Variants in CGNL1 observed in about 807,000 individuals in gnomAD.
The protein encoded by CGNL1 is cingulin-like protein 1.
A neutral mutation model predicts 141.2 loss-of-function variants in CGNL1; 132 were observed. That is an observed-to-expected ratio of 0.93 (90% CI 0.81 to 1.08). The LOEUF is 1.08. CGNL1 is among the 50% of genes least tolerant of loss of function. The pLI is 0.00. For missense variants in CGNL1, 1,870 were observed against 1,588.6 expected (o/e 1.18, Z -3.01); for synonymous variants, 690 against 622.1 (o/e 1.11, Z -1.63).
chr15:57,531,895 T>C (rs1461632375), intron 14 of CGNL1, 116 bp downstream of exon 14: 3 of 667,702 alleles, frequency 4.5e-6, no homozygotes, highest in Non-Finnish European at 8.1e-6. Flanking sequence ...CATCTAGAAA[T>C]TGATGGAAGA....
At chr15:57,435,960 A>G (rs2063100729) in intron 1 of CGNL1, among the ~76,000 whole-genome samples, 1 of 152,188 alleles carries the variant, frequency 6.6e-6, no homozygotes, top group Admixed American at 6.5e-5. Context: ...TTTTCTGACC[A>G]CAATACAGGT....
chr15:57,473,202 GA>G (rs1335057908), intron 8 of CGNL1, among the ~76,000 whole-genome samples: 1 of 152,000 alleles, frequency 6.6e-6, no homozygotes, highest in Non-Finnish European at 1.5e-5. Context: ...ACATCTAAAG[GA>G]AAAAAGCTTT....
intron 1 of CGNL1, among the ~76,000 whole-genome samples, chr15:57,385,332 A>G (rs574655090): frequency 1.8e-4 from 28 of 152,294 alleles, no homozygotes; most frequent in African/African-American, 6.7e-4. Context: ...TCAGGAGTTC[A>G]AGACCAGCCT....
At chr15:57,467,793 G>GCC in intron 8 of CGNL1, among the ~76,000 whole-genome samples, 1 of 144,808 alleles carries the variant, frequency 6.9e-6, no homozygotes, top group Admixed American at 7.2e-5. Context: ...GGGTTCAAAT[G>GCC]ATTCTTGTGC....
At chr15:57,383,918 C>G (rs1466994675) in intron 1 of CGNL1, among the ~76,000 whole-genome samples, 1 of 152,100 alleles carries the variant, frequency 6.6e-6, no homozygotes. Context: ...AGATTACAGG[C>G]GTGAGCCACC....
intron 8 of CGNL1, among the ~76,000 whole-genome samples, chr15:57,464,720 C>T: frequency 7.8e-6 from 1 of 128,224 alleles, no homozygotes. Context: ...CTTTCCTTTC[C>T]TTTCCTTTCC....
At chr15:57,425,960 G>A (rs1263000407) in intron 1 of CGNL1, among the ~76,000 whole-genome samples, 1 of 151,946 alleles carries the variant, frequency 6.6e-6, no homozygotes, top group African/African-American at 2.4e-5. Flanking sequence ...AAATAATGGA[G>A]TAATGGAGTA....
At chr15:57,498,245 GT>G (rs56793548) in intron 8 of CGNL1, among the ~76,000 whole-genome samples, 19 of 101,080 alleles carry the variant, frequency 1.9e-4, no homozygotes, top group Middle Eastern at 8.2e-3. Context: ...TGGGGAAACA[GT>G]TTTTTTTTTT....
intron 10 of CGNL1, among the ~76,000 whole-genome samples, chr15:57,521,594 A>G (rs2031257952): frequency 6.6e-6 from 1 of 152,208 alleles, no homozygotes; most frequent in African/African-American, 2.4e-5. Context: ...TAATTTAAAA[A>G]TAATGTAGCA....
chr15:57,417,244 T>C (rs1567103931), intron 1 of CGNL1, among the ~76,000 whole-genome samples: 1 of 152,156 alleles, frequency 6.6e-6, no homozygotes, highest in Admixed American at 6.5e-5. Flanking sequence ...CTTTCCTTTC[T>C]TTTCTTTCTT....
intron 3 of CGNL1, among the ~76,000 whole-genome samples, chr15:57,440,765 A>C (rs1168867327): frequency 6.6e-6 from 1 of 151,918 alleles, no homozygotes; most frequent in Non-Finnish European, 1.5e-5. Flanking sequence ...AGGAGTTTCT[A>C]CTCTTCAGGT....
At chr15:57,528,937 C>T in intron 13 of CGNL1, 122 bp downstream of exon 13, 1 of 1,031,092 alleles carries the variant, frequency 9.7e-7, no homozygotes, top group Non-Finnish European at 1.4e-6. Context: ...TTCTCTCCCA[C>T]AGCTGGGTGT....
chr15:57,436,129 A>G (rs1479714776), intron 1 of CGNL1, among the ~76,000 whole-genome samples: 1 of 152,192 alleles, frequency 6.6e-6, no homozygotes, highest in Admixed American at 6.5e-5. Context: ...TAGAAACATT[A>G]CTGTGGTGGA....
intron 8 of CGNL1, among the ~76,000 whole-genome samples, chr15:57,516,158 C>CAA (rs10559176): frequency 1.4e-3 from 101 of 73,184 alleles, no homozygotes; most frequent in African/African-American, 2.9e-3. Context: ...GACTCTGTCT[C>CAA]AAAAAAAAAA....
intron 1 of CGNL1, among the ~76,000 whole-genome samples, chr15:57,386,439 T>C (rs1567086794): frequency 1.3e-5 from 2 of 152,212 alleles, no homozygotes; most frequent in East Asian, 3.9e-4. Flanking sequence ...TCCGTTTCAG[T>C]CAAGGACACT....
At chr15:57,379,428 C>T (rs139147195) in intron 1 of CGNL1, among the ~76,000 whole-genome samples, 1 of 152,050 alleles carries the variant, frequency 6.6e-6, no homozygotes, top group Non-Finnish European at 1.5e-5. Flanking sequence ...CTAGAAAAGG[C>T]CTTGGGTTTG....
At chr15:57,437,343 C>T (rs1171880134) in intron 1 of CGNL1, among the ~76,000 whole-genome samples, 2 of 152,076 alleles carry the variant, frequency 1.3e-5, no homozygotes, top group African/African-American at 4.8e-5. Context: ...CACTGTCAGT[C>T]TCACAAACAA....
At chr15:57,523,687 G>C (rs575772498) in intron 11 of CGNL1, 46 bp downstream of exon 11, 7 of 1,603,104 alleles carry the variant, frequency 4.4e-6, no homozygotes, top group African/African-American at 1.3e-5. Context: ...AGATGTCTTT[G>C]TTGGACCCAG....
At chr15:57,523,752 A>G (rs2031428117) in intron 11 of CGNL1, 111 bp downstream of exon 11, 5 of 1,160,162 alleles carry the variant, frequency 4.3e-6, no homozygotes, top group Non-Finnish European at 6.1e-6. Flanking sequence ...TCTAAGCACA[A>G]AAGTGTCAGG....
Sources: gnomAD v4.1 joint callset for allele counts (sites outside exome capture counted in the v4.1 genomes callset) on GRCh38, gnomAD v4.1.1 for gene constraint, MANE v1.5 for transcripts, NCBI Gene and HGNC (gene_info 2026-07-23, HGNC 2026-07-21) for gene names.